The following VEPH1 variants were observed in gnomAD, a reference collection of about 807,000 sequenced individuals.
VEPH1 encodes the protein ventricular zone expressed PH domain containing 1, also known as ventricular zone-expressed PH domain-containing protein homolog 1.
VEPH1 carries 80 observed loss-of-function variants against 85.2 expected under a neutral mutation model. The ratio of observed to expected loss-of-function variants is 0.94; its 90% CI spans 0.78 to 1.13. The LOEUF is 1.13. Ranked by LOEUF, VEPH1 falls within the 50% of genes most tolerant of loss-of-function variation. The pLI is 0.00. For missense variants in VEPH1, 955 were observed against 980.5 expected (o/e 0.97, Z 0.35); for synonymous variants, 297 against 348.0 (o/e 0.85, Z 1.63).
At chr3:157,303,019 T>C (rs1383928737) in intron 11 of VEPH1, among the ~76,000 whole-genome samples, 1 of 152,262 alleles carries the variant, frequency 6.6e-6, no homozygotes, top group African/African-American at 2.4e-5. Flanking sequence ...AAATAATGTA[T>C]GTATATAGTT....
chr3:157,500,778 G>C (rs1412642482), intron 1 of VEPH1, among the ~76,000 whole-genome samples: 1 of 151,734 alleles, frequency 6.6e-6, no homozygotes, highest in African/African-American at 2.4e-5. Context: ...ACACTCTATG[G>C]AACTCCAGTA....
At chr3:157,437,590 G>C (rs753286113) in intron 4 of VEPH1, 1 of 1,584,174 alleles carries the variant, frequency 6.3e-7, no homozygotes, top group Non-Finnish European at 8.6e-7. Flanking sequence ...GCAGATGAGA[G>C]AGCGCATGCT....
chr3:157,477,657 A>G (rs1737612009), intron 2 of VEPH1, among the ~76,000 whole-genome samples: 1 of 152,174 alleles, frequency 6.6e-6, no homozygotes, highest in African/African-American at 2.4e-5. Flanking sequence ...AACACAAAGT[A>G]GAGAGAATGA....
intron 6 of VEPH1, among the ~76,000 whole-genome samples, chr3:157,401,511 G>A (rs1049488514): frequency 8.5e-5 from 13 of 152,076 alleles, no homozygotes; most frequent in Admixed American, 8.5e-4. Flanking sequence ...TGGTAGTTGA[G>A]ATGTAACACC....
chr3:157,475,840 C>T (rs1172816409), intron 2 of VEPH1, among the ~76,000 whole-genome samples: 2 of 152,198 alleles, frequency 1.3e-5, no homozygotes, highest in Non-Finnish European at 1.5e-5. Context: ...AGCCATGCAC[C>T]TGATCGTTAA....
chr3:157,423,201 T>A (rs1732484348), intron 5 of VEPH1, among the ~76,000 whole-genome samples: 1 of 152,250 alleles, frequency 6.6e-6, no homozygotes, highest in African/African-American at 2.4e-5. Flanking sequence ...GAGTCCTATG[T>A]ACCTTAAGGA....
intron 11 of VEPH1, among the ~76,000 whole-genome samples, chr3:157,289,650 C>G (rs1717227944): frequency 6.6e-6 from 1 of 152,236 alleles, no homozygotes; most frequent in African/African-American, 2.4e-5. Context: ...CAGTAGTTCT[C>G]TCTCCTACTC....
At chr3:157,485,873 A>C (rs1175296145) in intron 2 of VEPH1, among the ~76,000 whole-genome samples, 1 of 152,144 alleles carries the variant, frequency 6.6e-6, no homozygotes, top group East Asian at 1.9e-4. Flanking sequence ...AGGAATAAAA[A>C]TGCTCAGTAT....
intron 12 of VEPH1, among the ~76,000 whole-genome samples, chr3:157,272,294 T>C (rs6784056): frequency 3.2e-5 from 3 of 95,146 alleles, no homozygotes; most frequent in Non-Finnish European, 6.8e-5. Flanking sequence ...CCTTCCTTCC[T>C]TCCCTTCCTC....
intron 5 of VEPH1, among the ~76,000 whole-genome samples, chr3:157,419,245 C>T (rs143867730): frequency 6.6e-6 from 1 of 152,166 alleles, no homozygotes; most frequent in African/African-American, 2.4e-5. Flanking sequence ...AAAATCGAGG[C>T]AATACTATTC....
intron 7 of VEPH1, among the ~76,000 whole-genome samples, chr3:157,372,222 A>G (rs745921451): frequency 1.3e-5 from 2 of 152,174 alleles, no homozygotes; most frequent in Non-Finnish European, 2.9e-5. Flanking sequence ...ACATCTTCTC[A>G]TAGTCTTCAT....
rs1377560171 is a variant in VEPH1, at chr3:157,363,884, C to T, written c.1338-123G>A. On this transcript the variant is annotated intron_variant, in intron 8 of 13. Coordinates refer to ENST00000362010, the MANE Select transcript of VEPH1 (RefSeq NM_001167912.2). ...CTGGAGTGTGAAACTATTAACAGGC[C>T]TGATAAATGTATACCACCAATAAAT... The T allele has an allele frequency of 3.6e-6, 4 of 1,119,658 alleles. No individual in the cohort carries two copies. In the East Asian group the frequency reaches 1.0e-4, roughly 28 times the overall value. 69.4% of individuals were successfully genotyped at this position (1,119,658 alleles called of 1,614,324 possible).
At chr3:157,279,406 T>C (rs534891980) in intron 12 of VEPH1, among the ~76,000 whole-genome samples, 2 of 152,074 alleles carry the variant, frequency 1.3e-5, no homozygotes, top group South Asian at 2.1e-4. Context: ...CAGAGAGAGA[T>C]GATAGAGTTA....
chr3:157,296,495 C>T (rs555343429), intron 11 of VEPH1, among the ~76,000 whole-genome samples: 20 of 152,296 alleles, frequency 1.3e-4, no homozygotes, highest in African/African-American at 4.8e-4. Flanking sequence ...TGAGACTGAC[C>T]TTGGTGGTGA....
At chr3:157,501,173 T>C (rs1370458318) in intron 1 of VEPH1, among the ~76,000 whole-genome samples, 2 of 152,192 alleles carry the variant, frequency 1.3e-5, no homozygotes, top group East Asian at 3.8e-4. Context: ...TGAGCCATAT[T>C]TATATCTTTG....
At chr3:157,275,681 C>A (rs999086035) in intron 12 of VEPH1, among the ~76,000 whole-genome samples, 1 of 151,962 alleles carries the variant, frequency 6.6e-6, no homozygotes, top group Non-Finnish European at 1.5e-5. Flanking sequence ...TAAATTAACT[C>A]CAAATTCTTA....
intron 4 of VEPH1, among the ~76,000 whole-genome samples, chr3:157,434,365 G>T (rs1733393902): frequency 6.6e-6 from 1 of 151,846 alleles, no homozygotes; most frequent in Non-Finnish European, 1.5e-5. Flanking sequence ...AGGCTGGAAC[G>T]CAGTGGTGTG....
chr3:157,277,608 G>GAT (rs1305664254), intron 12 of VEPH1, among the ~76,000 whole-genome samples: 1 of 152,134 alleles, frequency 6.6e-6, no homozygotes, highest in Non-Finnish European at 1.5e-5. Flanking sequence ...ACAATGAATA[G>GAT]ATGTTTATAA....
chr3:157,338,597 C>T (rs1014398121), intron 9 of VEPH1, among the ~76,000 whole-genome samples: 4 of 152,128 alleles, frequency 2.6e-5, no homozygotes, highest in African/African-American at 7.2e-5. Flanking sequence ...AAATGGTTAA[C>T]ATCTTAACTA....
Sources: gnomAD v4.1 joint callset for allele counts (sites outside exome capture counted in the v4.1 genomes callset) on GRCh38, gnomAD v4.1.1 for gene constraint, MANE v1.5 for transcripts, NCBI Gene and HGNC (gene_info 2026-07-23, HGNC 2026-07-21) for gene names.